The following ZNF138 variants were observed in gnomAD, a reference collection of about 807,000 sequenced individuals.
The protein encoded by ZNF138 is zinc finger protein 138, also known as zinc finger protein 138 (clone pHZ-32).
ZNF138 carries 33 observed loss-of-function variants against 33.0 expected under a neutral mutation model. The observed-to-expected ratio is 1.00, with a 90% CI of 0.76 to 1.34. ZNF138 has a LOEUF of 1.34. Among genes scored for constraint, ZNF138 ranks in the 40% most tolerant of loss-of-function variants. ZNF138 has a pLI of 0.00. For synonymous variants in ZNF138, 139 were observed against 120.4 expected (o/e 1.15, Z -1.01); for missense variants, 360 against 370.8 (o/e 0.97, Z 0.24).
chr7:64,807,802 T>C (rs1159723464), intron 1 of ZNF138, among the ~76,000 whole-genome samples: 1 of 152,204 alleles, frequency 6.6e-6, no homozygotes, highest in East Asian at 1.9e-4. Context: ...TGTAAGATGC[T>C]CTTGTGTAAA....
At chr7:64,796,150 T>A (rs1786671859) in intron 1 of ZNF138, among the ~76,000 whole-genome samples, 1 of 152,228 alleles carries the variant, frequency 6.6e-6, no homozygotes, top group South Asian at 2.1e-4. Flanking sequence ...TTCGGCCCAC[T>A]GGATTCTCTA....
chr7:64,832,006 A>G lies in ZNF138; in HGVS notation c.764A>G (p.His255Arg). 1 of 1,613,824 alleles carries G rather than the reference A, an allele frequency of 6.2e-7. No homozygotes were observed. Among genetic ancestry groups the G allele is most frequent in the Non-Finnish European group, 8.5e-7 (1 of 1,179,850 alleles). ...GGAGAAAAACCCTATAAATGTGCAC[A>G]CTGTGGCAAAGCCTTTAAACAGTCC... is the stretch of plus-strand genomic sequence containing the variant. ...RTGEKPYKCA[H>R]CGKAFKQSSH... The change falls in exon 4 of 4, where the codon CAC becomes CGC. Residue 255 changes from histidine to arginine, a missense_variant. His to Arg is a conservative substitution (Grantham distance 29). Coordinates refer to ENST00000307355, the MANE Select transcript of ZNF138 (RefSeq NM_001271639.2).
intron 3 of ZNF138, among the ~76,000 whole-genome samples, chr7:64,826,582 TA>T (rs1369279534): frequency 6.7e-6 from 1 of 148,820 alleles, no homozygotes; most frequent in Non-Finnish European, 1.5e-5. Context: ...AGCCTGGCCT[TA>T]ATTTTTTAAA....
At chr7:64,836,357 AG>A (rs1790364912), downstream of ZNF138, 1 of 152,206 alleles carries the variant, frequency 6.6e-6, no homozygotes. Flanking sequence ...AACCACGAGA[AG>A]GGGGAGGACT....
chr7:64,821,178 C>A (rs1160056321), intron 3 of ZNF138, among the ~76,000 whole-genome samples: 1 of 149,356 alleles, frequency 6.7e-6, no homozygotes, highest in Non-Finnish European at 1.5e-5. Context: ...CAACCTCCAC[C>A]TCCTGGGTTC....
At chr7:64,848,154 T>C in the ZNF138 span, among the ~76,000 whole-genome samples, 1 of 128,796 alleles carries the variant, frequency 7.8e-6, no homozygotes, top group Admixed American at 7.9e-5. Context: ...TAATAATTGT[T>C]TAATTTAAAG....
chr7:64,860,729 T>A, the ZNF138 span, among the ~76,000 whole-genome samples: 1 of 152,192 alleles, frequency 6.6e-6, no homozygotes, highest in Non-Finnish European at 1.5e-5. Flanking sequence ...GGGTAGTATT[T>A]TCTGAGCATT....
rs970262131 is a variant in ZNF138, at chr7:64,808,517, T to C, written c.4-6401T>C. Among the ~76,000 whole-genome samples the C allele has an allele frequency of 3.9e-5, 6 of 152,312 alleles. No homozygotes were observed. In the East Asian group the frequency reaches 1.2e-3, roughly 29 times the overall value. On this transcript the variant is annotated intron_variant, in intron 1 of 3. Coordinates refer to ENST00000307355, the MANE Select transcript of ZNF138 (RefSeq NM_001271639.2). ...ACTTTATTTGGGCCACTTTATATTT[T>C]TGTAACTTACGAGGTCATTTCTATG...
the ZNF138 span, among the ~76,000 whole-genome samples, chr7:64,850,957 A>AAT: frequency 2.0e-5 from 3 of 152,180 alleles, no homozygotes; most frequent in African/African-American, 7.2e-5. Flanking sequence ...TCCTTTTAAA[A>AAT]ATATATATAT....
chr7:64,831,137 T>C (rs1790048241), intron 3 of ZNF138: 2 of 1,539,574 alleles, frequency 1.3e-6, no homozygotes, highest in South Asian at 2.4e-5. Context: ...AGTTTACTTC[T>C]AGAGGCACTA....
chr7:64,843,171 T>G, the ZNF138 span, among the ~76,000 whole-genome samples: 2 of 152,248 alleles, frequency 1.3e-5, no homozygotes, highest in African/African-American at 4.8e-5. Context: ...TAAAGATGAA[T>G]AGTATTCCAT....
the ZNF138 span, among the ~76,000 whole-genome samples, chr7:64,851,196 A>C: frequency 1.3e-5 from 2 of 152,158 alleles, no homozygotes; most frequent in South Asian, 4.1e-4. Context: ...AAACCTATTT[A>C]TCCTGTCTAT....
chr7:64,851,825 C>T, the ZNF138 span, among the ~76,000 whole-genome samples: 3 of 152,198 alleles, frequency 2.0e-5, no homozygotes, highest in East Asian at 3.9e-4. Flanking sequence ...AAGCACTTGC[C>T]GTGTTGAACT....
intron 3 of ZNF138, among the ~76,000 whole-genome samples, chr7:64,823,366 T>C (rs1259570237): frequency 2.0e-5 from 3 of 151,974 alleles, no homozygotes; most frequent in African/African-American, 4.8e-5. Flanking sequence ...GATGGGATCT[T>C]ACTATGTCAC....
Position 64,814,633 on chromosome 7 carries a change from G to A in ZNF138, c.4-285G>A, listed in dbSNP as rs1169451804. ...TACAAAAAATTAACTAGACTTGGTG[G>A]TGGGCACCTGTAATCCCAGCTACTC... On this transcript the variant is annotated intron_variant, in intron 1 of 3. Coordinates refer to ENST00000307355, the MANE Select transcript of ZNF138 (RefSeq NM_001271639.2). Among the ~76,000 whole-genome samples the A allele has an allele frequency of 2.6e-5, 4 of 152,054 alleles. No homozygotes were observed. The South Asian group carries it at 8.3e-4, about 31-fold the overall frequency.
At chr7:64,852,594 A>G in the ZNF138 span, 20 of 1,536,106 alleles carry the variant, frequency 1.3e-5, no homozygotes, top group Non-Finnish European at 1.8e-5. Flanking sequence ...CATGGTAAAC[A>G]GATCAGAAGC....
chr7:64,808,894 G>T (rs1277992699), intron 1 of ZNF138, among the ~76,000 whole-genome samples: 1 of 139,130 alleles, frequency 7.2e-6, no homozygotes, highest in East Asian at 2.1e-4. Flanking sequence ...AGAGCACAGG[G>T]TTGGGGGTAA....
At chr7:64,809,702 G>C (rs1396725571) in intron 1 of ZNF138, among the ~76,000 whole-genome samples, 1 of 148,004 alleles carries the variant, frequency 6.8e-6, no homozygotes, top group Non-Finnish European at 1.5e-5. Context: ...CTTCTCAGAC[G>C]GGGCGGTTGC....
At chr7:64,853,905 A>G in the ZNF138 span, among the ~76,000 whole-genome samples, 1 of 151,786 alleles carries the variant, frequency 6.6e-6, no homozygotes, top group African/African-American at 2.4e-5. Context: ...AACAATAAAA[A>G]CCATCTTTAA....
Sources: gnomAD v4.1 joint callset for allele counts (sites outside exome capture counted in the v4.1 genomes callset) on GRCh38, gnomAD v4.1.1 for gene constraint, MANE v1.5 for transcripts, NCBI Gene and HGNC (gene_info 2026-07-23, HGNC 2026-07-21) for gene names.